Variants in CADM2 observed in about 807,000 individuals in gnomAD.
CADM2 encodes cell adhesion molecule 2, also known as immunoglobulin superfamily member 4D.
CADM2 carries 12 observed loss-of-function variants against 49.8 expected under a neutral mutation model. The observed-to-expected ratio is 0.24, with a 90% confidence interval of 0.15 to 0.39. The LOEUF is 0.39. Among genes scored for constraint, CADM2 ranks in the 10% least tolerant of loss-of-function variants. CADM2 has a pLI of 1.00. For synonymous variants in CADM2, 214 were observed against 175.4 expected (o/e 1.22, Z -1.74); for missense variants, 378 against 492.3 (o/e 0.77, Z 2.20).
chr3:85,192,606 A>G, intron 1 of CADM2, among the ~76,000 whole-genome samples: 1 of 150,798 alleles, frequency 6.6e-6, no homozygotes, highest in East Asian at 1.9e-4. Context: ...ATTCATATAT[A>G]TATATATATA....
chr3:85,346,672 G>T (rs1474616450), intron 1 of CADM2, among the ~76,000 whole-genome samples: 3 of 152,106 alleles, frequency 2.0e-5, no homozygotes, highest in Non-Finnish European at 4.4e-5. Context: ...TTTTAAAAAT[G>T]CAAACACAAA....
At chr3:86,030,018 A>T (rs982751085) in intron 8 of CADM2, among the ~76,000 whole-genome samples, 3 of 152,072 alleles carry the variant, frequency 2.0e-5, no homozygotes, top group African/African-American at 7.2e-5. Context: ...AGTGATTTCA[A>T]GTAAGGCAGA....
At chr3:86,020,896 A>C (rs1733071394) in intron 8 of CADM2, among the ~76,000 whole-genome samples, 1 of 152,152 alleles carries the variant, frequency 6.6e-6, no homozygotes, top group Non-Finnish European at 1.5e-5. Context: ...GAATGGGCAA[A>C]AACTGGAAGC....
intron 8 of CADM2, among the ~76,000 whole-genome samples, chr3:86,010,154 T>G (rs940561704): frequency 6.6e-6 from 1 of 151,974 alleles, no homozygotes; most frequent in African/African-American, 2.4e-5. Flanking sequence ...AAACCACATA[T>G]GTAATATTAC....
chr3:85,621,583 G>A (rs763385130), intron 1 of CADM2, among the ~76,000 whole-genome samples: 9 of 151,970 alleles, frequency 5.9e-5, no homozygotes, highest in African/African-American at 2.2e-4. Flanking sequence ...CGATTACTCT[G>A]CTCTGTTTTT....
intron 1 of CADM2, among the ~76,000 whole-genome samples, chr3:85,293,930 T>G (rs561009936): frequency 6.6e-6 from 1 of 152,136 alleles, no homozygotes; most frequent in African/African-American, 2.4e-5. Flanking sequence ...TGTTGGAAGT[T>G]CTGGCCAGGG....
rs116707691 is a variant in CADM2, at chr3:85,177,098, G to C, written c.61+217430G>C. Among the ~76,000 whole-genome samples the C allele has an allele frequency of 2.8e-3, 428 of 152,152 alleles. 2 individuals carry two copies. Among genetic ancestry groups the C allele is most frequent in the African/African-American group, 9.9e-3 (410 of 41,492 alleles). On this transcript the variant is annotated intron_variant, in intron 1 of 9. Transcript: ENST00000383699. ...AAAAATACTAGGAGAGAGAAACAGT[G>C]CAAGTCTTTAATATAACATGAATAT...
At chr3:85,223,710 C>T (rs557998549) in intron 1 of CADM2, among the ~76,000 whole-genome samples, 12 of 152,214 alleles carry the variant, frequency 7.9e-5, no homozygotes, top group African/African-American at 2.9e-4. Context: ...CCCATCAACT[C>T]GTCACTTACC....
chr3:85,998,490 T>C (rs1729714832), intron 8 of CADM2, among the ~76,000 whole-genome samples: 1 of 152,160 alleles, frequency 6.6e-6, no homozygotes, highest in South Asian at 2.1e-4. Context: ...AAGAGAGCAG[T>C]ACACATTTAG....
intron 8 of CADM2, among the ~76,000 whole-genome samples, chr3:85,977,443 TATTAAATGTA>T (rs1423423136): frequency 6.6e-6 from 1 of 151,620 alleles, no homozygotes; most frequent in East Asian, 2.0e-4. Context: ...TCTTTGCAGT[TATTAAATGTA>T]TATATTTTGA....
intron 2 of CADM2, among the ~76,000 whole-genome samples, chr3:85,773,588 A>G (rs146934353): frequency 2.0e-5 from 3 of 152,068 alleles, no homozygotes; most frequent in Admixed American, 1.3e-4. Flanking sequence ...CTTGTTTAGG[A>G]GTTCATTAGT....
chr3:85,125,918 AT>A (rs1294030220), intron 1 of CADM2, among the ~76,000 whole-genome samples: 1 of 152,200 alleles, frequency 6.6e-6, no homozygotes, highest in African/African-American at 2.4e-5. Flanking sequence ...TCAGGTAATA[AT>A]GTCATTCTTT....
intron 8 of CADM2, among the ~76,000 whole-genome samples, chr3:86,031,021 T>C (rs13073604): frequency 0.3 from 46,173 of 151,628 alleles, 8,361 homozygotes; most frequent in Admixed American, 0.39. Context: ...TTTGACTTAA[T>C]AATTTATAAA....
chr3:85,320,669 TA>T (rs1371550702), intron 1 of CADM2, among the ~76,000 whole-genome samples: 1 of 152,202 alleles, frequency 6.6e-6, no homozygotes, highest in African/African-American at 2.4e-5. Context: ...TACTTCCCTT[TA>T]AGTATTAATG....
At chr3:85,362,468 A>G (rs2032429454) in intron 1 of CADM2, among the ~76,000 whole-genome samples, 1 of 152,208 alleles carries the variant, frequency 6.6e-6, no homozygotes, top group Non-Finnish European at 1.5e-5. Context: ...CAATAGAGAT[A>G]GGCAGGTGCT....
At chr3:85,587,953 A>G (rs2062990237) in intron 1 of CADM2, among the ~76,000 whole-genome samples, 2 of 152,030 alleles carry the variant, frequency 1.3e-5, no homozygotes, top group Admixed American at 1.3e-4. Flanking sequence ...TTTTTGTAAA[A>G]ACAGGGTTTT....
intron 1 of CADM2, among the ~76,000 whole-genome samples, chr3:85,064,477 A>T (rs934840359): frequency 7.9e-5 from 12 of 152,120 alleles, no homozygotes; most frequent in African/African-American, 2.9e-4. Context: ...AATCTTGTGT[A>T]CATAAAATAA....
intron 1 of CADM2, among the ~76,000 whole-genome samples, chr3:85,660,443 T>G (rs1376154690): frequency 6.8e-6 from 1 of 147,942 alleles, no homozygotes; most frequent in Non-Finnish European, 1.5e-5. Flanking sequence ...CTCTCCTGTT[T>G]TTTTTTTTTT....
At chr3:85,011,013 G>A (rs1040952565) in intron 1 of CADM2, among the ~76,000 whole-genome samples, 15 of 151,484 alleles carry the variant, frequency 9.9e-5, no homozygotes, top group Non-Finnish European at 2.2e-4. Flanking sequence ...ACAGGCGCCT[G>A]CCACCACGCC....
Sources: gnomAD v4.1 joint callset for allele counts (sites outside exome capture counted in the v4.1 genomes callset) on GRCh38, gnomAD v4.1.1 for gene constraint, MANE v1.5 for transcripts, NCBI Gene and HGNC (gene_info 2026-07-23, HGNC 2026-07-21) for gene names.